ABR: variants seen among roughly 807,000 people sequenced by gnomAD.
ABR encodes the protein active breakpoint cluster region-related protein.
A neutral mutation model predicts 107.2 loss-of-function variants in ABR; 35 were observed. The observed-to-expected ratio is 0.33, with a 90% CI of 0.25 to 0.43. The LOEUF is 0.43. Ranked by LOEUF, ABR falls within the 20% of genes least tolerant of loss-of-function variation. ABR has a pLI of 1.00. For synonymous variants in ABR, 498 were observed against 462.0 expected (o/e 1.08, Z -1.00); for missense variants, 815 against 1,115.2 (o/e 0.73, Z 3.83).
intron 1 of ABR, among the ~76,000 whole-genome samples, chr17:1,144,192 A>C (rs1286868392): frequency 2.0e-5 from 3 of 152,180 alleles, no homozygotes; most frequent in Admixed American, 6.5e-5. Flanking sequence ...TTATGTGCCC[A>C]CCGAACATAG....
chr17:1,182,042 T>C (rs1418544527), upstream of ABR: 1 of 152,184 alleles, frequency 6.6e-6, no homozygotes, highest in Admixed American at 6.5e-5. Context: ...CGCGTTGCCA[T>C]AGTTTGCTTT....
At chr17:1,212,786 G>A (rs1489087188) in intron 1 of ABR, among the ~76,000 whole-genome samples, 2 of 152,128 alleles carry the variant, frequency 1.3e-5, no homozygotes, top group African/African-American at 4.8e-5. Flanking sequence ...CTACTTGGGA[G>A]GCTGAGACAG....
rs898120243 is a variant in ABR, at chr17:1,197,623, G to C, written c.838+31170C>G. 2.8e-4 allele frequency among the ~76,000 whole-genome samples: 43 copies of C among 151,746 alleles called. 4 individuals carry two copies. The highest frequency in any genetic ancestry group is 1.0e-3 in the African/African-American group (41 of 41,082). ...TGTGAAAGATTCTTTCCTCCCAAAA[G>C]CCACATGCCTGTCACATGAGGGGAG... On this transcript the variant is annotated intron_variant, in intron 1 of 22. Coordinates refer to the ABR transcript ENST00000574139.
At chr17:1,021,463 G>C (rs1258887985) in intron 16 of ABR, among the ~76,000 whole-genome samples, 3 of 152,228 alleles carry the variant, frequency 2.0e-5, no homozygotes, top group African/African-American at 7.2e-5. Flanking sequence ...CGGCATCCCA[G>C]AATGCGGGAG....
rs116407459 is a variant in ABR, at chr17:1,096,422, G to A, written c.345+4215C>T. ...GCTGGCACCTTTGCGAGGCCACCCC[G>A]AAGAGCAGAAGGTTTAGCTTCCTCC... On this transcript the variant is annotated intron_variant, in intron 3 of 22. Coordinates refer to ENST00000302538, the MANE Select transcript of ABR (RefSeq NM_021962.5). 6.1e-3 allele frequency among the ~76,000 whole-genome samples: 925 copies of A among 152,320 alleles called. 9 individuals carry two copies. Among genetic ancestry groups the A allele is most frequent in the African/African-American group, 0.021 (857 of 41,572 alleles).
chr17:1,072,889 A>G (rs1199489520), intron 7 of ABR, 135 bp from the exon 8 acceptor site: 14 of 1,226,510 alleles, frequency 1.1e-5, no homozygotes, highest in South Asian at 1.5e-5. Flanking sequence ...TGAACTACAA[A>G]TCAGAGTCAG....
chr17:1,141,363 G>A (rs527272162), intron 1 of ABR, among the ~76,000 whole-genome samples: 14 of 152,258 alleles, frequency 9.2e-5, no homozygotes, highest in African/African-American at 2.6e-4. Context: ...AATCACACTC[G>A]GGTTCCATTC....
chr17:1,091,728 G>A lies in ABR; in HGVS notation c.468C>T (p.Asn156=). 4.3e-6 allele frequency: 7 copies of A among 1,614,188 alleles called. No homozygotes were observed. The highest frequency in any genetic ancestry group is 2.2e-5 in the South Asian group (2 of 91,086). The change falls in exon 4 of 23, where the codon AAC becomes AAT. Residue 156 remains asparagine, a synonymous_variant. Coordinates refer to ENST00000302538, the MANE Select transcript of ABR (RefSeq NM_021962.5). ...CCCACTGTTGCACCTTGGGGCACAG[G>A]TTGTCATAGAACTCCTTGTGGATCT... ...IYEIHKEFYD[N]LCPKVQQWDS...
In ABR at chr17:1,078,251, C is replaced by T. The variant is rs146839055; in HGVS notation, c.700+1079G>A. On this transcript the variant is annotated intron_variant, in intron 6 of 22. Coordinates refer to ENST00000302538, the MANE Select transcript of ABR (RefSeq NM_021962.5). The surrounding 1 kb of genome is among the most constrained non-coding windows in gnomAD (Gnocchi z 7.5). ...ACGGCTGGAAACAAACCTCTCCTTCCTGCTCCCACAGCCCCTCCGTGTCCT... is the reference window on the plus strand; with the variant it reads ...ACGGCTGGAAACAAACCTCTCCTTCTTGCTCCCACAGCCCCTCCGTGTCCT... Among the ~76,000 whole-genome samples, 499 of 152,262 alleles carry T rather than the reference C, an allele frequency of 3.3e-3. 1 individual carries two copies. Among genetic ancestry groups the T allele is most frequent in the Middle Eastern group, 6.8e-3 (2 of 294 alleles).
intron 16 of ABR, among the ~76,000 whole-genome samples, chr17:1,024,985 G>A (rs1223514818): frequency 1.3e-5 from 2 of 150,052 alleles, no homozygotes; most frequent in African/African-American, 4.9e-5. Flanking sequence ...GCTGGGCGAG[G>A]TGGCGGGCGC....
At chr17:1,221,715 G>A (rs562986789) in intron 1 of ABR, among the ~76,000 whole-genome samples, 2 of 152,294 alleles carry the variant, frequency 1.3e-5, no homozygotes, top group South Asian at 2.1e-4. Flanking sequence ...GGGAAAAGAC[G>A]CCGGATGGAA....
chr17:1,082,699 TA>T (rs1036352027), intron 5 of ABR, among the ~76,000 whole-genome samples: 1 of 152,206 alleles, frequency 6.6e-6, no homozygotes. Flanking sequence ...TTCCCTGTCA[TA>T]AATATTACCC....
rs1030586052 is a variant in ABR, at chr17:1,084,090, C to T, written c.532-463G>A. On this transcript the variant is annotated intron_variant, in intron 4 of 22. Coordinates refer to ENST00000302538, the MANE Select transcript of ABR (RefSeq NM_021962.5). The surrounding 1 kb of genome is among the most constrained non-coding windows in gnomAD (Gnocchi z 4.2). ...CCCTCCCCACGTGCAGCGTGGGGAACGACATTTAAAGGTGCTGTCTTGGCC... is the reference window on the plus strand; with the variant it reads ...CCCTCCCCACGTGCAGCGTGGGGAATGACATTTAAAGGTGCTGTCTTGGCC... Among the ~76,000 whole-genome samples, 4 of 152,182 alleles carry T rather than the reference C, an allele frequency of 2.6e-5. No individual in the cohort carries two copies. Among genetic ancestry groups the T allele is most frequent in the South Asian group, 4.1e-4 (2 of 4,832 alleles).
intron 4 of ABR, among the ~76,000 whole-genome samples, chr17:1,089,738 T>C (rs2036889870): frequency 6.6e-6 from 1 of 152,138 alleles, no homozygotes; most frequent in Non-Finnish European, 1.5e-5. Flanking sequence ...GGCGGGCGGA[T>C]CACCTGAGGT....
intron 1 of ABR, among the ~76,000 whole-genome samples, chr17:1,171,233 C>T (rs1158169363): frequency 6.6e-6 from 1 of 152,168 alleles, no homozygotes; most frequent in Non-Finnish European, 1.5e-5. Flanking sequence ...GTCTTTGGTC[C>T]CCGTAATCTC....
At chr17:1,227,203 A>G (rs926284594) in intron 1 of ABR, among the ~76,000 whole-genome samples, 1 of 152,196 alleles carries the variant, frequency 6.6e-6, no homozygotes, top group African/African-American at 2.4e-5. Flanking sequence ...TATGTGCTAG[A>G]GTGTCCTAAG....
At chr17:1,097,590 CAAAAAAA>C (rs57256346) in intron 3 of ABR, among the ~76,000 whole-genome samples, 2 of 104,762 alleles carry the variant, frequency 1.9e-5, no homozygotes, top group African/African-American at 7.7e-5. Flanking sequence ...GACTCCGTCT[CAAAAAAA>C]AAAAAAAAAA....
chr17:1,116,894 G>A (rs1415909530), intron 2 of ABR, among the ~76,000 whole-genome samples: 4 of 152,148 alleles, frequency 2.6e-5, no homozygotes, highest in Non-Finnish European at 5.9e-5. Flanking sequence ...GGCTGCTGGG[G>A]GGCGGAGGCT....
upstream of ABR, among the ~76,000 whole-genome samples, chr17:1,189,613 T>C (rs1026467054): frequency 2.0e-5 from 3 of 152,138 alleles, no homozygotes; most frequent in Admixed American, 2.0e-4. Context: ...CCTTGGAACT[T>C]TTGCATAGGT....
Sources: gnomAD v4.1 joint callset for allele counts (sites outside exome capture counted in the v4.1 genomes callset) on GRCh38, gnomAD v4.1.1 for gene constraint, Gnocchi (gnomAD v3.1) non-coding constraint, MANE v1.5 for transcripts, NCBI Gene and HGNC (gene_info 2026-07-23, HGNC 2026-07-21) for gene names.